TAFA4: variants seen among roughly 807,000 people sequenced by gnomAD.
The protein encoded by TAFA4 is chemokine-like protein TAFA-4.
Under a neutral mutation model 21.1 loss-of-function variants are expected in TAFA4, and 20 were observed. The ratio of observed to expected loss-of-function variants is 0.95; its 90% CI spans 0.67 to 1.38. The LOEUF is 1.38. TAFA4 is among the 40% of genes most tolerant of loss of function. The probability of loss-of-function intolerance (pLI) is 0.00; values close to 1 mark genes in which losing one functional copy is unlikely to be tolerated. For synonymous variants in TAFA4, 71 were observed against 67.4 expected, an observed-to-expected ratio of 1.05 and a Z score of -0.26; for missense variants, 211 against 180.9, an observed-to-expected ratio of 1.17 and a Z score of -0.95.
intron 3 of TAFA4, among the ~76,000 whole-genome samples, chr3:68,847,946 G>A (rs576258915): frequency 8.5e-5 from 13 of 152,150 alleles, no homozygotes; most frequent in Non-Finnish European, 1.6e-4. Context: ...TCTACTTTGC[G>A]TCAAGACCTA....
chr3:68,752,802 A>T, intron 4 of TAFA4, 61 bp downstream of exon 4: 1 of 1,608,330 alleles, frequency 6.2e-7, no homozygotes, highest in Non-Finnish European at 8.5e-7. Flanking sequence ...TAAAGTAGGG[A>T]AATTCCTGGT....
intron 2 of TAFA4, chr3:68,883,235 T>A (rs1257457083): frequency 2.0e-5 from 3 of 152,324 alleles, no homozygotes; most frequent in Non-Finnish European, 4.4e-5. Flanking sequence ...CAAAAGCCAT[T>A]TTCTTGGGAC....
At chr3:68,746,155 G>C (rs1024557855) in intron 4 of TAFA4, among the ~76,000 whole-genome samples, 1 of 152,082 alleles carries the variant, frequency 6.6e-6, no homozygotes, top group African/African-American at 2.4e-5. Context: ...AGGGGCTCTG[G>C]GCTCTCAGGC....
At chr3:68,815,148 T>C (rs891676513) in intron 3 of TAFA4, among the ~76,000 whole-genome samples, 2 of 152,200 alleles carry the variant, frequency 1.3e-5, no homozygotes, top group Admixed American at 1.3e-4. Context: ...CCTTACATCT[T>C]ATATAAAAAT....
chr3:68,762,618 C>G (rs1455504044), intron 3 of TAFA4, among the ~76,000 whole-genome samples: 1 of 152,172 alleles, frequency 6.6e-6, no homozygotes, highest in Non-Finnish European at 1.5e-5. Context: ...ATGCCTTGCC[C>G]ACATAAAACT....
chr3:68,755,213 G>T (rs966860500), intron 3 of TAFA4, among the ~76,000 whole-genome samples: 1 of 152,142 alleles, frequency 6.6e-6, no homozygotes, highest in Non-Finnish European at 1.5e-5. Flanking sequence ...CTGTGATAAA[G>T]TAGTTTCTGT....
intron 3 of TAFA4, among the ~76,000 whole-genome samples, chr3:68,788,133 G>T (rs1448994526): frequency 2.0e-5 from 3 of 152,148 alleles, no homozygotes; most frequent in Non-Finnish European, 4.4e-5. Context: ...CATAAATCTT[G>T]CACAGTGGTG....
chr3:68,878,915 C>T (rs917496968), intron 3 of TAFA4, among the ~76,000 whole-genome samples: 1 of 152,112 alleles, frequency 6.6e-6, no homozygotes, highest in African/African-American at 2.4e-5. Context: ...CTCTGATACA[C>T]ACCTACCGTA....
At chr3:68,775,034 A>T (rs1332013065) in intron 3 of TAFA4, among the ~76,000 whole-genome samples, 1 of 152,238 alleles carries the variant, frequency 6.6e-6, no homozygotes, top group Non-Finnish European at 1.5e-5. Flanking sequence ...ACAAAGAATG[A>T]GTGAAGTAAA....
At chr3:68,900,239 CTTA>C (rs1559557737) in intron 1 of TAFA4, among the ~76,000 whole-genome samples, 80 of 114,696 alleles carry the variant, frequency 7.0e-4, no homozygotes, top group African/African-American at 2.4e-3. Flanking sequence ...GAGACTCTCT[CTTA>C]ATAATAATAA....
At chr3:68,828,591 A>C (rs2106874652) in intron 3 of TAFA4, among the ~76,000 whole-genome samples, 1 of 152,296 alleles carries the variant, frequency 6.6e-6, no homozygotes, top group Admixed American at 6.5e-5. Flanking sequence ...GAGGTCCTTC[A>C]CATCCCTTGT....
intron 3 of TAFA4, among the ~76,000 whole-genome samples, chr3:68,822,968 T>C (rs1473304332): frequency 6.6e-6 from 1 of 152,192 alleles, no homozygotes; most frequent in Non-Finnish European, 1.5e-5. Context: ...AGAATGGCTT[T>C]GGCATTTCCC....
At chr3:68,809,864 A>G (rs2106842142) in intron 3 of TAFA4, among the ~76,000 whole-genome samples, 1 of 152,300 alleles carries the variant, frequency 6.6e-6, no homozygotes, top group Non-Finnish European at 1.5e-5. Context: ...GTCAAAAATC[A>G]TTGGTCCGTA....
chr3:68,815,927 A>G (rs1703964504), intron 3 of TAFA4, among the ~76,000 whole-genome samples: 1 of 152,250 alleles, frequency 6.6e-6, no homozygotes, highest in Non-Finnish European at 1.5e-5. Context: ...AATGTCCAAC[A>G]ATGATAGACT....
At position 68,732,085 on chromosome 3, in the gene TAFA4, T is replaced by C. The variant is rs1156293; in HGVS notation, c.*1057A>G. 3,153 of 152,666 alleles carry C rather than the reference T, an allele frequency of 0.021. 89 individuals carry two copies. Among genetic ancestry groups the C allele is most frequent in the East Asian group, 0.067 (345 of 5,176 alleles). 9.5% of individuals were successfully genotyped at this position (152,666 alleles called of 1,614,324 possible). A position where few individuals can be genotyped will look rare whatever the true frequency, so the allele number is the denominator to read the frequency against. On this transcript the variant is annotated 3_prime_UTR_variant, in exon 6 of 6. Transcript: ENST00000295569. ...AGTCATTCTTCATCTGTTTCATACG[T>C]TTCCGCATGACAGCATTTGAGAATA... is the stretch of plus-strand genomic sequence containing the variant.
intron 3 of TAFA4, among the ~76,000 whole-genome samples, chr3:68,764,010 C>A (rs1049780837): frequency 5.3e-5 from 8 of 152,046 alleles, no homozygotes; most frequent in African/African-American, 1.7e-4. Context: ...TGAACCTAAT[C>A]CACTTATATT....
chr3:68,818,278 G>C (rs1217050240), intron 3 of TAFA4, among the ~76,000 whole-genome samples: 3 of 152,180 alleles, frequency 2.0e-5, no homozygotes, highest in Non-Finnish European at 4.4e-5. Flanking sequence ...GAACTTAAGA[G>C]AGTTAGGGGT....
intron 3 of TAFA4, among the ~76,000 whole-genome samples, chr3:68,768,867 C>G (rs1044797555): frequency 6.6e-6 from 1 of 152,120 alleles, no homozygotes; most frequent in Non-Finnish European, 1.5e-5. Flanking sequence ...CATGATCTGA[C>G]TCATATGTGC....
chr3:68,823,162 T>A (rs757611387), intron 3 of TAFA4, among the ~76,000 whole-genome samples: 7 of 152,150 alleles, frequency 4.6e-5, no homozygotes, highest in Non-Finnish European at 1.0e-4. Context: ...TCTTCAGGCT[T>A]GAAGGGGTCG....
Sources: gnomAD v4.1 joint callset for allele counts (sites outside exome capture counted in the v4.1 genomes callset) on GRCh38, gnomAD v4.1.1 for gene constraint, MANE v1.5 for transcripts, NCBI Gene and HGNC (gene_info 2026-07-23, HGNC 2026-07-21) for gene names.